The following DLGAP2 variants were observed in gnomAD, a reference collection of about 807,000 sequenced individuals.
DLGAP2 encodes the protein DLG associated protein 2.
Under a neutral mutation model 100.3 loss-of-function variants are expected in DLGAP2, and 26 were observed. The ratio of observed to expected loss-of-function variants is 0.26; its 90% CI spans 0.19 to 0.36. The LOEUF (loss-of-function observed/expected upper bound fraction) is 0.36. Among genes scored for constraint, DLGAP2 ranks in the 10% least tolerant of loss-of-function variants. DLGAP2 has a pLI of 1.00. For missense variants in DLGAP2, 1,858 were observed against 1,453.2 expected (o/e 1.28, Z -4.53); for synonymous variants, 886 against 630.1 (o/e 1.41, Z -6.08).
At chr8:1,297,720 C>T (rs1446233548) in intron 3 of DLGAP2, among the ~76,000 whole-genome samples, 2 of 118,522 alleles carry the variant, frequency 1.7e-5, no homozygotes, top group African/African-American at 3.4e-5. Context: ...GGAGGAGAAA[C>T]GTGGCAGGCG....
At chr8:1,330,616 G>C (rs544112494) in intron 3 of DLGAP2, among the ~76,000 whole-genome samples, 2 of 149,290 alleles carry the variant, frequency 1.3e-5, no homozygotes, top group South Asian at 4.3e-4. Context: ...TTCTGGGTGG[G>C]AGCACCGCTT....
At chr8:925,095 G>A (rs1000252550) in intron 2 of DLGAP2, among the ~76,000 whole-genome samples, 1 of 152,156 alleles carries the variant, frequency 6.6e-6, no homozygotes, top group South Asian at 2.1e-4. Context: ...AATGGTGAAA[G>A]TGTAGGTGCG....
At chr8:1,286,900 G>T (rs567429670) in intron 3 of DLGAP2, among the ~76,000 whole-genome samples, 1 of 152,368 alleles carries the variant, frequency 6.6e-6, no homozygotes, top group African/African-American at 2.4e-5. Context: ...AGTAGAATGA[G>T]AACGTTAAAT....
At chr8:1,129,248 A>G (rs1796235579) in intron 2 of DLGAP2, among the ~76,000 whole-genome samples, 2 of 151,992 alleles carry the variant, frequency 1.3e-5, no homozygotes, top group South Asian at 4.2e-4. Context: ...TAGTAAATAT[A>G]AAAAATTAGC....
intron 3 of DLGAP2, among the ~76,000 whole-genome samples, chr8:1,447,349 G>A (rs1052204459): frequency 2.0e-5 from 3 of 152,120 alleles, no homozygotes; most frequent in Non-Finnish European, 4.4e-5. Flanking sequence ...ATAATCATGT[G>A]GTTTTTGTCT....
At chr8:954,089 G>A (rs190526505) in intron 2 of DLGAP2, among the ~76,000 whole-genome samples, 3 of 152,136 alleles carry the variant, frequency 2.0e-5, no homozygotes, top group Admixed American at 6.6e-5. Flanking sequence ...TAGTTTTGAC[G>A]TCTTGAACCC....
chr8:773,195 G>C (rs952051270), intron 1 of DLGAP2, among the ~76,000 whole-genome samples: 2 of 152,124 alleles, frequency 1.3e-5, no homozygotes, highest in Non-Finnish European at 2.9e-5. Context: ...TTCTGCAAAG[G>C]CCTCTTTCTT....
chr8:1,152,666 T>C (rs1585105593), intron 2 of DLGAP2, among the ~76,000 whole-genome samples: 1 of 152,150 alleles, frequency 6.6e-6, no homozygotes, highest in Non-Finnish European at 1.5e-5. Flanking sequence ...GGATGCGAAC[T>C]TGGGTTTGGG....
intron 2 of DLGAP2, among the ~76,000 whole-genome samples, chr8:1,205,372 T>C (rs529406450): frequency 2.0e-5 from 3 of 152,154 alleles, no homozygotes; most frequent in African/African-American, 4.8e-5. Context: ...GGTCCAGAAG[T>C]GCAGGCTCTT....
At chr8:1,431,568 G>T (rs1026651919) in intron 3 of DLGAP2, among the ~76,000 whole-genome samples, 14 of 152,202 alleles carry the variant, frequency 9.2e-5, no homozygotes, top group African/African-American at 2.9e-4. Flanking sequence ...CGAGTTCCCA[G>T]GCCAAAGGCA....
intron 1 of DLGAP2, among the ~76,000 whole-genome samples, chr8:799,953 G>A (rs1249533670): frequency 6.6e-6 from 1 of 152,202 alleles, no homozygotes; most frequent in Non-Finnish European, 1.5e-5. Context: ...TGTAATTGCA[G>A]TGATTGGATT....
At chr8:1,133,129 T>C (rs1345546586) in intron 2 of DLGAP2, among the ~76,000 whole-genome samples, 1 of 152,190 alleles carries the variant, frequency 6.6e-6, no homozygotes, top group Non-Finnish European at 1.5e-5. Context: ...CAAACATCTC[T>C]GGAGCATTAG....
chr8:1,040,397 TGC>T (rs1802304900), intron 2 of DLGAP2, among the ~76,000 whole-genome samples: 1 of 148,304 alleles, frequency 6.7e-6, no homozygotes. Flanking sequence ...CAGCTCGGTG[TGC>T]GTGGTCGGCT....
chr8:767,911 C>T (rs910982574), intron 1 of DLGAP2, among the ~76,000 whole-genome samples: 4 of 152,130 alleles, frequency 2.6e-5, no homozygotes, highest in African/African-American at 7.2e-5. Context: ...AGTGATGACA[C>T]AATAATCTCT....
At chr8:1,257,279 A>G (rs1359322302) in intron 2 of DLGAP2, among the ~76,000 whole-genome samples, 1 of 151,590 alleles carries the variant, frequency 6.6e-6, no homozygotes, top group Non-Finnish European at 1.5e-5. Flanking sequence ...CCCAGCCACC[A>G]AGGTCACCTT....
chr8:1,001,082 G>C (rs760944124), intron 2 of DLGAP2, among the ~76,000 whole-genome samples: 12 of 152,232 alleles, frequency 7.9e-5, no homozygotes, highest in Non-Finnish European at 1.6e-4. Context: ...GGCAATGACA[G>C]AGGGAATCAC....
chr8:1,593,523 A>C (rs566235802), intron 6 of DLGAP2, among the ~76,000 whole-genome samples: 10 of 152,272 alleles, frequency 6.6e-5, no homozygotes, highest in African/African-American at 2.4e-4. Flanking sequence ...AATCTCCTGC[A>C]CCTTGGGAAA....
At chr8:742,790 G>A (rs770493849) in intron 1 of DLGAP2, among the ~76,000 whole-genome samples, 37 of 152,226 alleles carry the variant, frequency 2.4e-4, no homozygotes, top group Non-Finnish European at 8.8e-5. Context: ...TTACAGGAGT[G>A]AGTCACTTTT....
chr8:1,040,822 C>T lies in DLGAP2; in HGVS notation c.73+132856C>T, dbSNP rs543268782. ...AGGAGCGCAGAGTCGTGGCCCCTTC[C>T]TGGTGGGAGGATATTTTTCATCACT... On this transcript the variant is annotated intron_variant, in intron 2 of 14. Transcript: ENST00000637795. Among the ~76,000 whole-genome samples the T allele has an allele frequency of 3.3e-4, 51 of 152,266 alleles. No homozygotes were observed. The South Asian group carries it at 6.8e-3, about 20-fold the overall frequency.
Sources: gnomAD v4.1 joint callset for allele counts (sites outside exome capture counted in the v4.1 genomes callset) on GRCh38, gnomAD v4.1.1 for gene constraint, MANE v1.5 for transcripts, NCBI Gene and HGNC (gene_info 2026-07-23, HGNC 2026-07-21) for gene names.